The following MAGI1 variants were observed in gnomAD, a reference collection of about 807,000 sequenced individuals.
MAGI1 encodes membrane associated guanylate kinase, WW and PDZ domain containing 1.
Under a neutral mutation model 139.9 loss-of-function variants are expected in MAGI1, and 58 were observed. The observed-to-expected ratio is 0.41, with a 90% CI of 0.34 to 0.52. MAGI1 has a LOEUF of 0.52. MAGI1 is among the 20% of genes least tolerant of loss of function. The pLI is 0.12. For missense variants in MAGI1, 1,874 were observed against 1,901.6 expected, an observed-to-expected ratio of 0.99 and a Z score of 0.27; for synonymous variants, 812 against 737.9, an observed-to-expected ratio of 1.10 and a Z score of -1.63.
chr3:66,024,987 T>C (rs1341899314), intron 1 of MAGI1, among the ~76,000 whole-genome samples: 3 of 152,120 alleles, frequency 2.0e-5, no homozygotes, highest in African/African-American at 4.8e-5. Flanking sequence ...AAAATGATGA[T>C]GGATACCAAA....
intron 5 of MAGI1, among the ~76,000 whole-genome samples, chr3:65,464,169 A>AT (rs1205943284): frequency 6.6e-6 from 1 of 151,860 alleles, no homozygotes; most frequent in Non-Finnish European, 1.5e-5. Context: ...AGGTTCTTCA[A>AT]TTTTTTTAAT....
At chr3:65,677,469 C>T (rs1175772523) in intron 1 of MAGI1, among the ~76,000 whole-genome samples, 1 of 151,916 alleles carries the variant, frequency 6.6e-6, no homozygotes, top group African/African-American at 2.4e-5. Flanking sequence ...TCTCAGTGAC[C>T]AAAGGGGATT....
intron 1 of MAGI1, among the ~76,000 whole-genome samples, chr3:65,663,881 A>T (rs1325187947): frequency 5.9e-5 from 9 of 152,154 alleles, no homozygotes; most frequent in Admixed American, 3.9e-4. Flanking sequence ...TCCCCTAGGG[A>T]TCAAAAGCAA....
rs1446624445 is a variant in MAGI1, at chr3:65,379,270, T to A, written c.2986A>T (p.Thr996Ser). The change falls in exon 17 of 23, where the codon ACG becomes TCG. Residue 996 changes from threonine to serine, a missense_variant. Coordinates refer to ENST00000402939, the MANE Select transcript of MAGI1 (RefSeq NM_001033057.2). ...CACGTTCAGCACTCACCAAAGGTCGTGCCTGCTTCGGGCCTGCTCACCGAG... is the reference window on the plus strand; with the variant it reads ...CACGTTCAGCACTCACCAAAGGTCGAGCCTGCTTCGGGCCTGCTCACCGAG... Reference protein sequence around the residue: ...VSSVSRPEAGTTFGNACVAMP... With the variant: ...VSSVSRPEAGSTFGNACVAMP... The A allele has an allele frequency of 6.2e-7, 1 of 1,612,228 alleles. No homozygotes were observed. Among genetic ancestry groups the A allele is most frequent in the South Asian group, 1.1e-5 (1 of 90,596 alleles).
rs776758597 is a variant in MAGI1 at position 65,356,688 on chromosome 3, G to T, written c.4079C>A (p.Thr1360Asn). The change falls in exon 23 of 23, where the codon ACC (threonine) becomes AAC (asparagine). Residue 1360 changes from threonine (T) to asparagine (N), a missense_variant. Physicochemically the swap from Thr to Asn is moderately conservative, Grantham distance 65. This residue lies in a region of MAGI1 where 653 missense variants were observed against 644.5 expected (regional missense o/e 1.01). Coordinates refer to ENST00000402939, the MANE Select transcript of MAGI1 (RefSeq NM_001033057.2). The stretch of plus-strand genomic sequence containing the variant: ...GCTGGGGGAGCCGTCTCTCCTGCGG[G>T]TGGGTGACCGCTCTCGCCTCCGCTC... The part of the protein sequence containing the change: ...SPERRRERSP[T>N]RRRDGSPSRR... The T allele has an allele frequency of 1.9e-6, 3 of 1,592,162 alleles. No individual in the cohort carries two copies. Among genetic ancestry groups the T allele is most frequent in the Non-Finnish European group, 2.6e-6 (3 of 1,169,728 alleles).
chr3:65,958,180 C>G (rs979625343), intron 1 of MAGI1, among the ~76,000 whole-genome samples: 3 of 151,808 alleles, frequency 2.0e-5, no homozygotes, highest in Non-Finnish European at 2.9e-5. Flanking sequence ...CCTCTTAAAA[C>G]AAAAAAGTAG....
chr3:65,892,696 T>C (rs1224316404), intron 1 of MAGI1, among the ~76,000 whole-genome samples: 1 of 152,182 alleles, frequency 6.6e-6, no homozygotes, highest in Non-Finnish European at 1.5e-5. Flanking sequence ...CTGGGGCACT[T>C]AATCACAGAA....
chr3:65,998,293 G>A (rs1337584408), intron 1 of MAGI1, among the ~76,000 whole-genome samples: 1 of 152,128 alleles, frequency 6.6e-6, no homozygotes, highest in Non-Finnish European at 1.5e-5. Flanking sequence ...GACACATACA[G>A]CACAGTTTCC....
intron 1 of MAGI1, among the ~76,000 whole-genome samples, chr3:65,963,619 A>C (rs1243214464): frequency 6.6e-6 from 1 of 152,120 alleles, no homozygotes; most frequent in African/African-American, 2.4e-5. Flanking sequence ...CAGTCTCTAA[A>C]TAAATAAATA....
At chr3:66,010,440 T>C (rs538701631) in intron 1 of MAGI1, among the ~76,000 whole-genome samples, 23 of 152,290 alleles carry the variant, frequency 1.5e-4, no homozygotes, top group Admixed American at 5.9e-4. Context: ...TGATATTCAC[T>C]GATGCCCAAC....
chr3:65,396,367 C>A (rs143194211), intron 13 of MAGI1, among the ~76,000 whole-genome samples: 302 of 152,274 alleles, frequency 2.0e-3, no homozygotes, highest in Admixed American at 4.2e-3. Flanking sequence ...CACATGTTGG[C>A]CATGAACCTG....
intron 2 of MAGI1, among the ~76,000 whole-genome samples, chr3:65,612,173 A>G (rs1200190681): frequency 1.3e-5 from 2 of 152,122 alleles, no homozygotes; most frequent in African/African-American, 2.4e-5. Context: ...CTCCCAAACT[A>G]TAATTGTTTG....
intron 4 of MAGI1, among the ~76,000 whole-genome samples, chr3:65,477,717 T>A (rs7644267): frequency 0.15 from 18,512 of 124,400 alleles, 1,404 homozygotes; most frequent in Middle Eastern, 0.2. Flanking sequence ...TATTATTTTT[T>A]TTTTTTTATT....
intron 12 of MAGI1, among the ~76,000 whole-genome samples, chr3:65,417,794 G>A (rs578174985): frequency 5.5e-4 from 83 of 152,260 alleles, no homozygotes; most frequent in Middle Eastern, 6.8e-3. Context: ...GTTGGCTCCA[G>A]CTAAATGCAT....
chr3:65,783,468 T>G (rs1256178508), intron 1 of MAGI1, among the ~76,000 whole-genome samples: 1 of 151,166 alleles, frequency 6.6e-6, no homozygotes, highest in African/African-American at 2.4e-5. Flanking sequence ...GACAACATAA[T>G]GAGACTCTGT....
intron 1 of MAGI1, among the ~76,000 whole-genome samples, chr3:65,638,387 A>G (rs1278898681): frequency 6.6e-6 from 1 of 152,058 alleles, no homozygotes; most frequent in East Asian, 1.9e-4. Flanking sequence ...TACAAAACAA[A>G]TGAGTTAAAC....
chr3:65,782,416 C>G (rs2039004795), intron 1 of MAGI1, among the ~76,000 whole-genome samples: 1 of 152,018 alleles, frequency 6.6e-6, no homozygotes, highest in Admixed American at 6.6e-5. Flanking sequence ...CCTGTGACAA[C>G]TTGGTTTTAG....
At chr3:65,372,448 G>T (rs1320415181) in intron 18 of MAGI1, among the ~76,000 whole-genome samples, 5 of 152,196 alleles carry the variant, frequency 3.3e-5, no homozygotes, top group Non-Finnish European at 1.5e-5. Context: ...CACAGGCAGA[G>T]TACATTTAGC....
At chr3:65,495,137 T>C (rs777284072) in intron 2 of MAGI1, among the ~76,000 whole-genome samples, 1 of 152,194 alleles carries the variant, frequency 6.6e-6, no homozygotes, top group African/African-American at 2.4e-5. Context: ...GACAGTATCA[T>C]ATACTGTTAA....
Sources: allele counts gnomAD v4.1 joint callset (sites outside exome capture counted in the v4.1 genomes callset), GRCh38; gene constraint gnomAD v4.1.1; regional missense constraint gnomAD v4.1.1; transcripts MANE v1.5; gene names NCBI Gene and HGNC (gene_info 2026-07-23, HGNC 2026-07-21).